Variants in METTL21A observed in about 807,000 individuals in gnomAD.
The protein encoded by METTL21A is protein N-lysine methyltransferase METTL21A.
Under a neutral mutation model 20.9 loss-of-function variants are expected in METTL21A, and 22 were observed. The ratio of observed to expected loss-of-function variants is 1.05; its 90% confidence interval spans 0.75 to 1.50. The LOEUF (loss-of-function observed/expected upper bound fraction) is 1.50, where lower values mean the gene tolerates loss of function less well. Ranked by LOEUF, METTL21A falls within the 40% of genes most tolerant of loss-of-function variation. The probability of loss-of-function intolerance (pLI) is 0.00; values close to 1 mark genes in which losing one functional copy is unlikely to be tolerated. For missense variants in METTL21A, 271 were observed against 266.8 expected (o/e 1.02, Z -0.11); for synonymous variants, 93 against 102.0 (o/e 0.91, Z 0.53).
At chr2:207,608,209 C>T (rs1416777470), downstream of METTL21A, among the ~76,000 whole-genome samples, 1 of 152,084 alleles carries the variant, frequency 6.6e-6, no homozygotes, top group South Asian at 2.1e-4. Flanking sequence ...CGACTACATC[C>T]CAGCCCAATT....
chr2:207,586,696 A>G (rs1053451402), intron 3 of METTL21A, among the ~76,000 whole-genome samples: 7 of 152,248 alleles, frequency 4.6e-5, no homozygotes, highest in Admixed American at 2.0e-4. Flanking sequence ...AAGGAACTCA[A>G]CCGAACAGGA....
At chr2:207,582,426 ATTAT>A (rs1179223829) in intron 3 of METTL21A, among the ~76,000 whole-genome samples, 3 of 152,272 alleles carry the variant, frequency 2.0e-5, no homozygotes, top group African/African-American at 7.2e-5. Context: ...TCTTCTCCAC[ATTAT>A]TTATTTTATC....
intron 3 of METTL21A, chr2:207,596,834 A>G (rs1045067252): frequency 1.4e-5 from 21 of 1,532,798 alleles, no homozygotes; most frequent in Non-Finnish European, 1.6e-5. Context: ...TATTTCTTTA[A>G]AAAAGAAAAA....
chr2:207,604,520 G>A (rs1374932538), downstream of METTL21A, among the ~76,000 whole-genome samples: 1 of 152,170 alleles, frequency 6.6e-6, no homozygotes, highest in Admixed American at 6.5e-5. Flanking sequence ...CAAACCGGAT[G>A]AGAATTCTAA....
intron 3 of METTL21A, among the ~76,000 whole-genome samples, chr2:207,613,830 G>A (rs1256011312): frequency 6.6e-6 from 1 of 152,154 alleles, no homozygotes; most frequent in Non-Finnish European, 1.5e-5. Flanking sequence ...AATTAGCCAG[G>A]CATGGTGGCG....
intron 2 of METTL21A, 87 bp from the exon 3 acceptor site, chr2:207,622,004 TCC>T: frequency 8.9e-7 from 1 of 1,123,388 alleles, no homozygotes; most frequent in Non-Finnish European, 1.3e-6. Context: ...CCCACCCCTC[TCC>T]CACTTCGAGG....
At chr2:207,621,717 A>T in intron 3 of METTL21A, 89 bp downstream of exon 3, 2 of 1,152,612 alleles carry the variant, frequency 1.7e-6, no homozygotes, top group Non-Finnish European at 2.6e-6. Context: ...CAGTAAGGGG[A>T]AAACCCACGA....
chr2:207,618,119 G>A (rs1165004139), intron 3 of METTL21A, among the ~76,000 whole-genome samples: 1 of 152,166 alleles, frequency 6.6e-6, no homozygotes, highest in Non-Finnish European at 1.5e-5. Flanking sequence ...ATCTTCCTCA[G>A]CATTATATTT....
chr2:207,581,125 G>T, downstream of METTL21A: 2 of 212,642 alleles, frequency 9.4e-6, no homozygotes, highest in East Asian at 7.1e-5. Context: ...CAAAGGAAAA[G>T]GTTAAATGGA....
downstream of METTL21A, chr2:207,581,351 C>T: frequency 5.0e-6 from 1 of 199,392 alleles, no homozygotes; most frequent in Middle Eastern, 1.7e-3. Context: ...TACAACTAGC[C>T]ATTAAGAGTA....
At chr2:207,593,135 T>C (rs556504265) in intron 3 of METTL21A, among the ~76,000 whole-genome samples, 2 of 152,336 alleles carry the variant, frequency 1.3e-5, no homozygotes, top group East Asian at 1.9e-4. Flanking sequence ...ATTTGATTCC[T>C]TTTCATAATT....
At chr2:207,608,722 C>A (rs193234032), downstream of METTL21A, among the ~76,000 whole-genome samples, 1 of 152,222 alleles carries the variant, frequency 6.6e-6, no homozygotes, top group East Asian at 1.9e-4. Flanking sequence ...ATGAAGAGAT[C>A]GAGACCACCC....
intron 3 of METTL21A, among the ~76,000 whole-genome samples, chr2:207,587,072 T>A (rs906253086): frequency 6.6e-6 from 1 of 152,100 alleles, no homozygotes; most frequent in African/African-American, 2.4e-5. Context: ...ATGCAGCCAT[T>A]ACGGAAAACG....
chr2:207,587,301 G>A (rs937759043), intron 3 of METTL21A, among the ~76,000 whole-genome samples: 1 of 151,630 alleles, frequency 6.6e-6, no homozygotes, highest in Non-Finnish European at 1.5e-5. Flanking sequence ...GCTGAGGCAG[G>A]AGAATGGCGT....
intron 3 of METTL21A, among the ~76,000 whole-genome samples, chr2:207,620,123 G>T (rs1490046236): frequency 6.6e-6 from 1 of 152,138 alleles, no homozygotes; most frequent in African/African-American, 2.4e-5. Flanking sequence ...TCTTATATCA[G>T]CAGAGAGAGA....
At chr2:207,605,462 A>G (rs1036274894), downstream of METTL21A, among the ~76,000 whole-genome samples, 5 of 152,192 alleles carry the variant, frequency 3.3e-5, no homozygotes, top group Non-Finnish European at 5.9e-5. Context: ...ATTTTCGCCT[A>G]TAAGTTTTTG....
chr2:207,619,101 C>G (rs1006784836), intron 3 of METTL21A, among the ~76,000 whole-genome samples: 2 of 151,344 alleles, frequency 1.3e-5, no homozygotes, highest in Non-Finnish European at 2.9e-5. Flanking sequence ...AACACAGGAA[C>G]TACTCAGGAA....
rs558849871 is a variant in METTL21A at position 207,585,127 on chromosome 2, G to A, written c.260-2967C>T. ...TGTCTGGAATCATGAAGGCCAGCTC[G>A]CTCTCACTATCACATTGGCCACCCA... On this transcript the variant is annotated intron_variant, in intron 3 of 3. Transcript: ENST00000425132. 2.2e-3 allele frequency among the ~76,000 whole-genome samples: 337 copies of A among 152,190 alleles called. 1 individual carries two copies. The highest frequency in any genetic ancestry group is 3.4e-3 in the Non-Finnish European group (234 of 68,018).
exon 4 of METTL21A, chr2:207,613,288 G>A (rs143436302): frequency 6.2e-7 from 1 of 1,613,926 alleles, no homozygotes; most frequent in African/African-American, 1.3e-5. Flanking sequence ...CCAAGTATCA[G>A]GTCAAATTCT....
Sources: gnomAD v4.1 joint callset for allele counts (sites outside exome capture counted in the v4.1 genomes callset) on GRCh38, gnomAD v4.1.1 for gene constraint, MANE v1.5 for transcripts, NCBI Gene and HGNC (gene_info 2026-07-23, HGNC 2026-07-21) for gene names.